Variants in RCHY1 observed in about 807,000 individuals in gnomAD.
RCHY1 encodes RING finger and CHY zinc finger domain-containing protein 1.
A neutral mutation model predicts 41.6 loss-of-function variants in RCHY1; 21 were observed. That is an observed-to-expected ratio of 0.51 (90% confidence interval 0.36 to 0.73). The LOEUF (loss-of-function observed/expected upper bound fraction) is 0.73. Among genes scored for constraint, RCHY1 ranks in the 30% least tolerant of loss-of-function variants. RCHY1 has a pLI of 0.00. For missense variants in RCHY1, 265 were observed against 325.3 expected, an observed-to-expected ratio of 0.81 and a Z score of 1.43; for synonymous variants, 79 against 102.9, an observed-to-expected ratio of 0.77 and a Z score of 1.41.
At chr4:75,484,893 G>A (rs1721853519) in intron 8 of RCHY1, among the ~76,000 whole-genome samples, 1 of 151,800 alleles carries the variant, frequency 6.6e-6, no homozygotes, top group African/African-American at 2.4e-5. Context: ...AAGTGCATTT[G>A]AAAATGAGGG....
At chr4:75,512,933 CTGTT>C (rs1334755492) in intron 1 of RCHY1, among the ~76,000 whole-genome samples, 3 of 145,114 alleles carry the variant, frequency 2.1e-5, no homozygotes, top group Admixed American at 7.0e-5. Flanking sequence ...AAGGCAAAAA[CTGTT>C]TGACACCTAG....
chr4:75,510,152 C>CAAA (rs1724727665), intron 1 of RCHY1, among the ~76,000 whole-genome samples: 1 of 152,186 alleles, frequency 6.6e-6, no homozygotes, highest in African/African-American at 2.4e-5. Context: ...AGTTGTCCAC[C>CAAA]AAAATCTATC....
chr4:75,497,903 TGAAA>T (rs1477433670), intron 3 of RCHY1, among the ~76,000 whole-genome samples: 1 of 151,038 alleles, frequency 6.6e-6, no homozygotes, highest in African/African-American at 2.4e-5. Flanking sequence ...GCAGCTATTT[TGAAA>T]GAAAGAAAAG....
intron 3 of RCHY1, among the ~76,000 whole-genome samples, chr4:75,503,235 C>A (rs1723959388): frequency 6.6e-6 from 1 of 152,114 alleles, no homozygotes; most frequent in African/African-American, 2.4e-5. Context: ...CCAGATATCA[C>A]CTGGGAAAAA....
chr4:75,495,210 A>G (rs1723088290), intron 3 of RCHY1, among the ~76,000 whole-genome samples: 1 of 152,104 alleles, frequency 6.6e-6, no homozygotes, highest in East Asian at 1.9e-4. Flanking sequence ...AAAGTCATCA[A>G]TATTTTCCTG....
chr4:75,502,771 C>T (rs1434081665), intron 3 of RCHY1, among the ~76,000 whole-genome samples: 2 of 152,000 alleles, frequency 1.3e-5, no homozygotes, highest in African/African-American at 4.8e-5. Flanking sequence ...GACTAAAATG[C>T]AAAGCATGGT....
chr4:75,499,702 T>C (rs963528020), intron 3 of RCHY1, among the ~76,000 whole-genome samples: 16 of 152,086 alleles, frequency 1.1e-4, no homozygotes, highest in African/African-American at 3.9e-4. Context: ...CTCAATCATA[T>C]GTGGGAGCTA....
intron 8 of RCHY1, among the ~76,000 whole-genome samples, chr4:75,485,710 A>G (rs1721941409): frequency 6.6e-6 from 1 of 152,228 alleles, no homozygotes; most frequent in African/African-American, 2.4e-5. Flanking sequence ...GGGCAATGAA[A>G]CAGGTTAATT....
At chr4:75,513,348 C>T (rs1297699363) in intron 1 of RCHY1, among the ~76,000 whole-genome samples, 4 of 152,188 alleles carry the variant, frequency 2.6e-5, no homozygotes. Context: ...TACTCATTTA[C>T]TTCAGGGAAT....
upstream of RCHY1, chr4:75,514,668 ACGGGTCCTCCCTCTCTCCCTCCGGTGG>A (rs1367447149): frequency 5.6e-6 from 1 of 178,262 alleles, no homozygotes; most frequent in African/African-American, 2.3e-5. Flanking sequence ...GTTACCTGTG[ACGGGTCCTCCCTCTCTCCCTCCGGTGG>A]CGGGGAGCCT....
chr4:75,512,201 C>T (rs1352252124), intron 1 of RCHY1, among the ~76,000 whole-genome samples: 1 of 152,204 alleles, frequency 6.6e-6, no homozygotes, highest in African/African-American at 2.4e-5. Context: ...TCAATTCTCT[C>T]ATTCTTCCAG....
intron 8 of RCHY1, among the ~76,000 whole-genome samples, chr4:75,486,317 C>T (rs1289317705): frequency 6.6e-6 from 1 of 151,974 alleles, no homozygotes; most frequent in Non-Finnish European, 1.5e-5. Context: ...AATTTAAAAT[C>T]TTATAGTCAT....
chr4:75,497,590 TA>T (rs1380412933), intron 3 of RCHY1, among the ~76,000 whole-genome samples: 1 of 148,642 alleles, frequency 6.7e-6, no homozygotes, highest in Non-Finnish European at 1.5e-5. Context: ...TAAACTCTGT[TA>T]AGTTTAATTT....
At chr4:75,503,993 G>A (rs1311634591) in intron 3 of RCHY1, among the ~76,000 whole-genome samples, 1 of 152,140 alleles carries the variant, frequency 6.6e-6, no homozygotes, top group Non-Finnish European at 1.5e-5. Context: ...TATGAAGAAA[G>A]GTCGTCTTTT....
intron 8 of RCHY1, among the ~76,000 whole-genome samples, chr4:75,488,518 C>T (rs1172382697): frequency 6.6e-6 from 1 of 152,136 alleles, no homozygotes; most frequent in Non-Finnish European, 1.5e-5. Flanking sequence ...AAACTGCCAA[C>T]CCAAGCAGGA....
chr4:75,508,988 C>T lies in RCHY1; in HGVS notation c.211-53G>A. Reference sequence around the variant, plus strand: ...CAATAAACTAAACATTTTGAGTTACCATTTGAATATCTAGAACTTATGTTC... The same window carrying T: ...CAATAAACTAAACATTTTGAGTTACTATTTGAATATCTAGAACTTATGTTC... On this transcript the variant is annotated intron_variant, in intron 2 of 8. Coordinates refer to ENST00000324439, the MANE Select transcript of RCHY1 (RefSeq NM_015436.4). 4 of 1,330,244 alleles carry T rather than the reference C, an allele frequency of 3.0e-6. No homozygotes were observed. The South Asian group carries it at 5.2e-5, about 17-fold the overall frequency. The allele number at this position is 1,330,244 out of a possible 1,614,324, so 82.4% of individuals were successfully genotyped here. A position where few individuals can be genotyped will look rare whatever the true frequency, so the allele number is the denominator to read the frequency against.
At chr4:75,489,224 T>A (rs1203388919) in intron 8 of RCHY1, among the ~76,000 whole-genome samples, 1 of 152,144 alleles carries the variant, frequency 6.6e-6, no homozygotes, top group East Asian at 1.9e-4. Context: ...GAAACCATAA[T>A]CCTGGGAAGA....
chr4:75,511,148 C>T (rs2148779809), intron 1 of RCHY1, among the ~76,000 whole-genome samples: 1 of 152,272 alleles, frequency 6.6e-6, no homozygotes, highest in East Asian at 1.9e-4. Context: ...ATGTTTTACT[C>T]ATGCATTGGT....
chr4:75,503,022 A>G (rs190131186), intron 3 of RCHY1, among the ~76,000 whole-genome samples: 2 of 152,346 alleles, frequency 1.3e-5, no homozygotes, highest in East Asian at 1.9e-4. Context: ...ATAAATGCAA[A>G]AAGGCAGATA....
Sources: gnomAD v4.1 joint callset for allele counts (sites outside exome capture counted in the v4.1 genomes callset) on GRCh38, gnomAD v4.1.1 for gene constraint, MANE v1.5 for transcripts, NCBI Gene and HGNC (gene_info 2026-07-23, HGNC 2026-07-21) for gene names.